CCSER1: variants seen among roughly 807,000 people sequenced by gnomAD.
The protein encoded by CCSER1 is coiled-coil serine rich protein 1, also known as serine-rich coiled-coil domain-containing protein 1.
Under a neutral mutation model 82.0 loss-of-function variants are expected in CCSER1, and 41 were observed. The ratio of observed to expected loss-of-function variants is 0.50; its 90% confidence interval spans 0.39 to 0.65. The LOEUF (loss-of-function observed/expected upper bound fraction) is 0.65. Ranked by LOEUF, CCSER1 falls within the 30% of genes least tolerant of loss-of-function variation. The pLI is 0.00. For missense variants in CCSER1, 1,119 were observed against 1,064.2 expected (o/e 1.05, Z -0.72); for synonymous variants, 414 against 383.9 (o/e 1.08, Z -0.92).
At chr4:90,462,670 A>AG (rs1431165058) in intron 4 of CCSER1, among the ~76,000 whole-genome samples, 1 of 152,132 alleles carries the variant, frequency 6.6e-6, no homozygotes, top group African/African-American at 2.4e-5. Context: ...CAGGACTTTG[A>AG]GGGGTAGTGC....
At chr4:91,061,703 T>C (rs1010369238) in intron 9 of CCSER1, among the ~76,000 whole-genome samples, 1 of 152,068 alleles carries the variant, frequency 6.6e-6, no homozygotes, top group Non-Finnish European at 1.5e-5. Flanking sequence ...CTACTACTTC[T>C]GTTTCATAGC....
chr4:91,323,378 A>G (rs1746323491), intron 10 of CCSER1, among the ~76,000 whole-genome samples: 1 of 152,150 alleles, frequency 6.6e-6, no homozygotes, highest in South Asian at 2.1e-4. Flanking sequence ...TATGCCTCAG[A>G]ATCTATGTTT....
chr4:91,001,663 T>A (rs963705707), intron 9 of CCSER1, among the ~76,000 whole-genome samples: 1 of 152,148 alleles, frequency 6.6e-6, no homozygotes, highest in African/African-American at 2.4e-5. Flanking sequence ...GTTAGGTGAG[T>A]CTCTTGAGAG....
intron 5 of CCSER1, among the ~76,000 whole-genome samples, chr4:90,541,384 C>T (rs1051147456): frequency 6.6e-6 from 1 of 152,016 alleles, no homozygotes; most frequent in South Asian, 2.1e-4. Flanking sequence ...TTTTCTCTGC[C>T]TTGCTACAAG....
chr4:91,520,378 A>G (rs575032875), intron 10 of CCSER1, among the ~76,000 whole-genome samples: 106 of 151,544 alleles, frequency 7.0e-4, no homozygotes, highest in African/African-American at 2.4e-3. Flanking sequence ...TGCCAGGGCA[A>G]CTGGCCTGAG....
chr4:91,598,520 G>A (rs1373166925), intron 10 of CCSER1, 52 bp from the exon 11 acceptor site: 12 of 1,483,706 alleles, frequency 8.1e-6, no homozygotes, highest in Non-Finnish European at 9.0e-6. Flanking sequence ...TTGTATGTAT[G>A]CTATGAAAGT....
At chr4:90,429,826 G>T (rs1288014346) in intron 4 of CCSER1, among the ~76,000 whole-genome samples, 1 of 151,772 alleles carries the variant, frequency 6.6e-6, no homozygotes, top group African/African-American at 2.4e-5. Flanking sequence ...TAATTTGAAT[G>T]GTTTGTATAT....
At chr4:91,478,409 G>A (rs1464168927) in intron 10 of CCSER1, among the ~76,000 whole-genome samples, 4 of 151,736 alleles carry the variant, frequency 2.6e-5, no homozygotes, top group African/African-American at 9.7e-5. Context: ...AAATATTGTA[G>A]AAAATTGTTT....
intron 5 of CCSER1, among the ~76,000 whole-genome samples, chr4:90,564,687 G>GAT (rs144118282): frequency 7.0e-6 from 1 of 143,646 alleles, no homozygotes; most frequent in South Asian, 2.4e-4. Flanking sequence ...AATTCATTTT[G>GAT]TTTTTTTTTT....
intron 9 of CCSER1, among the ~76,000 whole-genome samples, chr4:90,994,140 A>C (rs1181190306): frequency 6.6e-6 from 1 of 152,026 alleles, no homozygotes; most frequent in African/African-American, 2.4e-5. Flanking sequence ...TCGAGGCTGT[A>C]GTGCATTATC....
At chr4:90,726,491 T>A (rs938893470) in intron 7 of CCSER1, among the ~76,000 whole-genome samples, 1 of 152,030 alleles carries the variant, frequency 6.6e-6, no homozygotes, top group Non-Finnish European at 1.5e-5. Flanking sequence ...AGGTTAAACT[T>A]TAGAGATACA....
At chr4:91,109,233 G>C (rs1412678362) in intron 10 of CCSER1, among the ~76,000 whole-genome samples, 2 of 151,946 alleles carry the variant, frequency 1.3e-5, no homozygotes, top group African/African-American at 4.8e-5. Flanking sequence ...GACTAGCAAG[G>C]GTCTTCTCAA....
At chr4:91,030,103 A>T (rs1245026644) in intron 9 of CCSER1, among the ~76,000 whole-genome samples, 1 of 152,134 alleles carries the variant, frequency 6.6e-6, no homozygotes, top group Non-Finnish European at 1.5e-5. Context: ...TTTTCACATA[A>T]AATGTAAGCC....
intron 10 of CCSER1, among the ~76,000 whole-genome samples, chr4:91,365,730 C>T (rs1749567423): frequency 6.6e-6 from 1 of 152,016 alleles, no homozygotes. Context: ...TGCATAGGGC[C>T]ACTTTGTGAC....
intron 5 of CCSER1, among the ~76,000 whole-genome samples, chr4:90,493,067 A>C (rs189795258): frequency 1.6e-4 from 24 of 152,304 alleles, no homozygotes; most frequent in African/African-American, 5.5e-4. Flanking sequence ...AGAAGTCCTT[A>C]AATTACCTGA....
chr4:90,915,961 T>A (rs1727320318), intron 8 of CCSER1, among the ~76,000 whole-genome samples: 1 of 151,998 alleles, frequency 6.6e-6, no homozygotes, highest in Non-Finnish European at 1.5e-5. Flanking sequence ...TTACAAGGGG[T>A]GTGAAGGACC....
chr4:90,716,096 G>A (rs1051575647), intron 6 of CCSER1, among the ~76,000 whole-genome samples: 3 of 150,988 alleles, frequency 2.0e-5, no homozygotes, highest in African/African-American at 7.3e-5. Context: ...ATAAATAACT[G>A]TATATAAATA....
intron 9 of CCSER1, among the ~76,000 whole-genome samples, chr4:90,947,597 G>T (rs983415743): frequency 6.6e-6 from 1 of 152,026 alleles, no homozygotes; most frequent in African/African-American, 2.4e-5. Flanking sequence ...TCCTATTCCA[G>T]CTTATTTTAA....
intron 9 of CCSER1, among the ~76,000 whole-genome samples, chr4:90,928,577 G>A (rs1729347720): frequency 6.6e-6 from 1 of 152,084 alleles, no homozygotes. Context: ...TGAAAGCAAT[G>A]TGAAAAATAA....
Sources: allele counts gnomAD v4.1 joint callset (sites outside exome capture counted in the v4.1 genomes callset), GRCh38; gene constraint gnomAD v4.1.1; transcripts MANE v1.5; gene names NCBI Gene and HGNC (gene_info 2026-07-23, HGNC 2026-07-21).